Variants in KBTBD12 observed in about 807,000 individuals in gnomAD.
The protein encoded by KBTBD12 is kelch repeat and BTB domain containing 12.
A neutral mutation model predicts 58.7 loss-of-function variants in KBTBD12; 53 were observed. The observed-to-expected ratio is 0.90, with a 90% CI of 0.72 to 1.14. The LOEUF is 1.14. Ranked by LOEUF, KBTBD12 falls within the 50% of genes most tolerant of loss-of-function variation. The pLI is 0.00. For synonymous variants in KBTBD12, 236 were observed against 259.8 expected (o/e 0.91, Z 0.88); for missense variants, 704 against 751.3 (o/e 0.94, Z 0.74).
intron 5 of KBTBD12, among the ~76,000 whole-genome samples, chr3:127,975,308 A>G (rs1174158964): frequency 6.6e-6 from 1 of 152,136 alleles, no homozygotes; most frequent in Non-Finnish European, 1.5e-5. Flanking sequence ...CTAAGAGAAA[A>G]TCCTCAGGCA....
chr3:127,969,726 C>T (rs533490330), intron 5 of KBTBD12, among the ~76,000 whole-genome samples: 3 of 152,192 alleles, frequency 2.0e-5, no homozygotes, highest in Non-Finnish European at 4.4e-5. Flanking sequence ...GGAAAGGATC[C>T]TTTTTTCAAC....
intron 3 of KBTBD12, among the ~76,000 whole-genome samples, chr3:127,929,041 A>T (rs913530609): frequency 6.6e-6 from 1 of 152,222 alleles, no homozygotes; most frequent in African/African-American, 2.4e-5. Context: ...CCATTTACAT[A>T]GTTAATTTTG....
At chr3:127,924,859 T>C (rs1939526456) in intron 2 of KBTBD12, among the ~76,000 whole-genome samples, 1 of 152,184 alleles carries the variant, frequency 6.6e-6, no homozygotes, top group Admixed American at 6.5e-5. Context: ...AACAAATAGG[T>C]TTATTTACTG....
chr3:127,916,147 AAC>A (rs1164990006), intron 1 of KBTBD12, among the ~76,000 whole-genome samples: 1 of 152,110 alleles, frequency 6.6e-6, no homozygotes, highest in Non-Finnish European at 1.5e-5. Context: ...GAGAATGCAA[AAC>A]AGTGTGAACT....
At chr3:127,917,146 A>C (rs1487459905) in intron 1 of KBTBD12, among the ~76,000 whole-genome samples, 3 of 152,324 alleles carry the variant, frequency 2.0e-5, no homozygotes, top group African/African-American at 4.8e-5. Context: ...ACCTGGAGAC[A>C]GCGTCAGATC....
chr3:127,958,999 A>G (rs1017010340), intron 4 of KBTBD12, among the ~76,000 whole-genome samples: 1 of 152,180 alleles, frequency 6.6e-6, no homozygotes, highest in African/African-American at 2.4e-5. Flanking sequence ...GAAGGGCTTC[A>G]TTCTGAAAAT....
At position 127,948,678 on chromosome 3, in the gene KBTBD12, C is replaced by T. The variant is rs565319988; in HGVS notation, c.1493-14511C>T. Among the ~76,000 whole-genome samples the T allele has an allele frequency of 3.9e-5, 6 of 152,224 alleles. No homozygotes were observed. In the South Asian group the frequency reaches 1.0e-3, roughly 26 times the overall value. ...GTGGCAGTGAGAATCCCTGGTGTACCGGGAAAGCCTCCAGCTCTGGGCTAG... is the reference window on the plus strand; with the variant it reads ...GTGGCAGTGAGAATCCCTGGTGTACTGGGAAAGCCTCCAGCTCTGGGCTAG... On this transcript the variant is annotated intron_variant, in intron 4 of 5. Transcript: ENST00000405109.
At chr3:127,983,150 T>C (rs962521986) in intron 5 of KBTBD12, among the ~76,000 whole-genome samples, 1 of 152,256 alleles carries the variant, frequency 6.6e-6, no homozygotes, top group Non-Finnish European at 1.5e-5. Context: ...TCAGAACTTC[T>C]TGAATAATTT....
chr3:127,958,882 G>A (rs1190032904), intron 4 of KBTBD12, among the ~76,000 whole-genome samples: 1 of 152,168 alleles, frequency 6.6e-6, no homozygotes, highest in Non-Finnish European at 1.5e-5. Context: ...CAGTACATGG[G>A]GGCCCAGCAG....
In KBTBD12 at chr3:127,923,137, G is replaced by T. The variant is rs181992497; in HGVS notation, c.76G>T (p.Glu26Ter). 5 of 1,612,728 alleles carry T rather than the reference G, an allele frequency of 3.1e-6. No individual in the cohort carries two copies. The highest frequency in any genetic ancestry group is 3.3e-4 in the Middle Eastern group (2 of 6,056). ...ACTGAATAAAATTCAGAACATGAAA[G>T]AATTAGCAGAAATGATTGATGTGGT... Reference protein sequence around the residue: ...NLLNKIQNMKELAEMIDVVLT... With the variant: ...NLLNKIQNMK Residue 26 changes from glutamate to a stop codon, truncating the protein, a stop_gained, in exon 2 of 6, where the codon GAA becomes TAA. Coordinates refer to ENST00000405109, the MANE Select transcript of KBTBD12 (RefSeq NM_207335.4). LOFTEE classifies it high-confidence loss of function.
At position 127,984,392 on chromosome 3, in the gene KBTBD12, G is replaced by C; in HGVS notation, c.*114G>C. 1.0e-6 allele frequency: 1 copy of C among 990,052 alleles called. No individual in the cohort carries two copies. The highest frequency in any genetic ancestry group is 1.6e-5 in the South Asian group (1 of 60,924). 61.3% of individuals were successfully genotyped at this position (990,052 alleles called of 1,614,324 possible). A position where few individuals can be genotyped will look rare whatever the true frequency, so the allele number is the denominator to read the frequency against. On this transcript the variant is annotated 3_prime_UTR_variant, in exon 6 of 6. Transcript: ENST00000405109. The stretch of plus-strand genomic sequence containing the variant: ...GTGCACTGCATGCGTAGTGGCCTGT[G>C]TGTGAAGAAGCAGTGTGTGCTGGGC...
chr3:127,923,543 C>T lies in KBTBD12; in HGVS notation c.482C>T (p.Ala161Val). 6.2e-7 allele frequency: 1 copy of T among 1,612,618 alleles called. No individual in the cohort carries two copies. The highest frequency in any genetic ancestry group is 2.2e-5 in the East Asian group (1 of 44,858). The change falls in exon 2 of 6, where the codon GCC becomes GTC. Residue 161 changes from alanine (A) to valine (V), a missense_variant. Transcript: ENST00000405109. ...RSKKYLYQHF[A>V]EVSLHEEILE... ...AAGAAATATTTATATCAGCACTTTG[C>T]CGAGGTGAGCTTACATGAAGAAATA...
chr3:127,977,086 A>G (rs1471896465), intron 5 of KBTBD12, among the ~76,000 whole-genome samples: 1 of 152,200 alleles, frequency 6.6e-6, no homozygotes, highest in East Asian at 1.9e-4. Context: ...AAGTGAGAAT[A>G]TGCAGTATTT....
chr3:127,969,374 G>C (rs936254909), intron 5 of KBTBD12, among the ~76,000 whole-genome samples: 1 of 151,872 alleles, frequency 6.6e-6, no homozygotes, highest in Non-Finnish European at 1.5e-5. Flanking sequence ...AAAAAGTACA[G>C]GATTTGTACA....
At chr3:127,978,874 G>A (rs989158906) in intron 5 of KBTBD12, among the ~76,000 whole-genome samples, 45 of 152,242 alleles carry the variant, frequency 3.0e-4, no homozygotes, top group Non-Finnish European at 2.9e-5. Flanking sequence ...CCAGGAAGGG[G>A]CATAAGGATG....
intron 4 of KBTBD12, 97 bp from the exon 5 acceptor site, chr3:127,963,092 C>A: frequency 3.7e-6 from 4 of 1,083,336 alleles, no homozygotes; most frequent in Non-Finnish European, 3.9e-6. Context: ...AAGTTACAGT[C>A]CCATAAACCT....
chr3:127,924,026 C>T lies in KBTBD12; in HGVS notation c.965C>T (p.Thr322Ile). Residue 322 changes from threonine (T) to isoleucine (I), a missense_variant, in exon 2 of 6, where the codon ACT (threonine) becomes ATT (isoleucine). By Grantham distance (89) the Thr-to-Ile change is moderately conservative (BLOSUM62 -1). Transcript: ENST00000405109. ...SSPKYGEGLG[T>I]VCTGVVMENN... is the part of the protein sequence containing the mutation. ...CCCAAGTACGGAGAGGGTTTAGGAA[C>T]TGTGTGTACTGGTGTTGTCATGGAA... 1 of 1,613,734 alleles carries T rather than the reference C, an allele frequency of 6.2e-7. No individual in the cohort carries two copies.
At chr3:127,983,684 C>T (rs376674816) in intron 5 of KBTBD12, among the ~76,000 whole-genome samples, 18 of 151,938 alleles carry the variant, frequency 1.2e-4, no homozygotes, top group African/African-American at 3.9e-4. Context: ...ACCCGGGAGG[C>T]GGAGGTTGCA....
At chr3:127,948,651 T>C (rs1447299116) in intron 4 of KBTBD12, among the ~76,000 whole-genome samples, 2 of 152,196 alleles carry the variant, frequency 1.3e-5, no homozygotes, top group Non-Finnish European at 2.9e-5. Context: ...ATGGCCCTCA[T>C]GGTGGCAGTG....
Sources: gnomAD v4.1 joint callset for allele counts (sites outside exome capture counted in the v4.1 genomes callset) on GRCh38, gnomAD v4.1.1 for gene constraint, MANE v1.5 for transcripts, NCBI Gene and HGNC (gene_info 2026-07-23, HGNC 2026-07-21) for gene names.